Variants in POU6F2 observed in about 807,000 individuals in gnomAD.
POU6F2 encodes the protein POU class 6 homeobox 2.
POU6F2 carries 31 observed loss-of-function variants against 71.3 expected under a neutral mutation model. That is an observed-to-expected ratio of 0.43 (90% CI 0.33 to 0.59). The LOEUF is 0.59. Ranked by LOEUF, POU6F2 falls within the 20% of genes least tolerant of loss-of-function variation. POU6F2 has a pLI of 0.04. For missense variants in POU6F2, 783 were observed against 856.8 expected (o/e 0.91, Z 1.07); for synonymous variants, 347 against 355.7 (o/e 0.98, Z 0.27).
intron 1 of POU6F2, among the ~76,000 whole-genome samples, chr7:39,008,533 C>T (rs1401286852): frequency 2.0e-5 from 3 of 150,458 alleles, no homozygotes; most frequent in South Asian, 2.1e-4. Flanking sequence ...TTAATTAGAT[C>T]CCATTTGTCA....
intron 4 of POU6F2, among the ~76,000 whole-genome samples, chr7:39,234,007 G>A (rs1794626243): frequency 6.6e-6 from 1 of 152,010 alleles, no homozygotes; most frequent in Admixed American, 6.6e-5. Flanking sequence ...CTTCTATCCT[G>A]CTTGTTTTAA....
chr7:39,318,263 G>A (rs1478041876), intron 4 of POU6F2, among the ~76,000 whole-genome samples: 1 of 152,050 alleles, frequency 6.6e-6, no homozygotes, highest in African/African-American at 2.4e-5. Context: ...ACTACTCACG[G>A]TTGGACCAAG....
At chr7:39,048,141 G>A (rs1790328560) in intron 1 of POU6F2, among the ~76,000 whole-genome samples, 1 of 151,866 alleles carries the variant, frequency 6.6e-6, no homozygotes, top group African/African-American at 2.4e-5. Flanking sequence ...TTTCTTTGTG[G>A]TAAGAGTTTT....
At chr7:39,286,939 CTTT>C (rs57938154) in intron 4 of POU6F2, among the ~76,000 whole-genome samples, 56,470 of 146,506 alleles carry the variant, frequency 0.39, 11,195 homozygotes, top group East Asian at 0.56. Flanking sequence ...TTTGAGGTAT[CTTT>C]TTTTTTTTTT....
intron 2 of POU6F2, among the ~76,000 whole-genome samples, chr7:39,128,536 A>G (rs1792191003): frequency 6.6e-6 from 1 of 152,216 alleles, no homozygotes; most frequent in Non-Finnish European, 1.5e-5. Context: ...TATCTGTGGG[A>G]AATATTCCTG....
chr7:38,988,918 C>T (rs1327996923), intron 1 of POU6F2, among the ~76,000 whole-genome samples: 1 of 152,136 alleles, frequency 6.6e-6, no homozygotes, highest in African/African-American at 2.4e-5. Flanking sequence ...AGCAACATCT[C>T]ATTTACTCCC....
At chr7:39,450,070 CTG>C (rs1184077078) in intron 7 of POU6F2, among the ~76,000 whole-genome samples, 1 of 152,180 alleles carries the variant, frequency 6.6e-6, no homozygotes, top group Non-Finnish European at 1.5e-5. Flanking sequence ...TCATCAAACT[CTG>C]TGTTTAAAAT....
In POU6F2 at chr7:39,413,528, A is replaced by G. The variant is rs922860323; in HGVS notation, c.1113+6788A>G. 3.9e-5 allele frequency among the ~76,000 whole-genome samples: 6 copies of G among 152,220 alleles called. No homozygotes were observed. In the East Asian group the frequency reaches 9.7e-4, roughly 25 times the overall value. On this transcript the variant is annotated intron_variant, in intron 6 of 9. Coordinates refer to ENST00000518318, the MANE Select transcript of POU6F2 (RefSeq NM_001370959.1). The stretch of plus-strand genomic sequence containing the variant: ...CTATTCATATCACCTTGCTTAACTA[A>G]TGGTTTTGGCCATCTTTCTTTTATA...
chr7:39,248,986 G>A (rs1164765838), intron 4 of POU6F2, among the ~76,000 whole-genome samples: 2 of 152,134 alleles, frequency 1.3e-5, no homozygotes, highest in Non-Finnish European at 2.9e-5. Flanking sequence ...CAGTTTAACT[G>A]CCAGATCCCT....
At chr7:39,292,215 G>A (rs1235664018) in intron 4 of POU6F2, among the ~76,000 whole-genome samples, 2 of 152,204 alleles carry the variant, frequency 1.3e-5, no homozygotes, top group Non-Finnish European at 2.9e-5. Context: ...AAACCTATAA[G>A]AGTGGGGGTG....
At chr7:39,406,550 G>A in intron 5 of POU6F2, 50 bp from the exon 6 acceptor site, 1 of 1,595,352 alleles carries the variant, frequency 6.3e-7, no homozygotes, top group South Asian at 1.1e-5. Flanking sequence ...TCCGTGTGCT[G>A]TGCCTGTGCC....
At chr7:39,446,994 G>A (rs1203951485) in intron 7 of POU6F2, among the ~76,000 whole-genome samples, 1 of 152,170 alleles carries the variant, frequency 6.6e-6, no homozygotes, top group Non-Finnish European at 1.5e-5. Context: ...ATACAATACT[G>A]AGAAGAGTAA....
chr7:39,218,280 T>C (rs1794280679), intron 4 of POU6F2, among the ~76,000 whole-genome samples: 1 of 152,196 alleles, frequency 6.6e-6, no homozygotes, highest in African/African-American at 2.4e-5. Context: ...CAGGTTTACT[T>C]GCTCACTTCT....
intron 1 of POU6F2, among the ~76,000 whole-genome samples, chr7:39,017,101 G>A (rs1288352859): frequency 6.6e-6 from 1 of 152,106 alleles, no homozygotes. Context: ...ATGTAACTAT[G>A]AGTTCCTTGG....
intron 6 of POU6F2, among the ~76,000 whole-genome samples, chr7:39,417,719 A>G (rs1270208706): frequency 6.6e-6 from 1 of 152,216 alleles, no homozygotes; most frequent in African/African-American, 2.4e-5. Context: ...AGTAACAGAG[A>G]TGGACAGTGC....
intron 4 of POU6F2, among the ~76,000 whole-genome samples, chr7:39,208,119 G>A (rs1794060532): frequency 6.6e-6 from 1 of 152,146 alleles, no homozygotes; most frequent in Admixed American, 6.5e-5. Flanking sequence ...AACAAAAATT[G>A]TGTTATTTGA....
chr7:39,101,135 G>T (rs367717617), intron 2 of POU6F2, among the ~76,000 whole-genome samples: 1 of 148,484 alleles, frequency 6.7e-6, no homozygotes, highest in Non-Finnish European at 1.5e-5. Context: ...GTGCAATGGC[G>T]CAACCTTGGT....
chr7:39,112,241 C>T (rs149293590), intron 2 of POU6F2, among the ~76,000 whole-genome samples: 44 of 152,160 alleles, frequency 2.9e-4, no homozygotes, highest in African/African-American at 1.1e-3. Flanking sequence ...TGAAATTAGT[C>T]TTTTAAATAT....
chr7:39,262,810 T>C (rs921759749), intron 4 of POU6F2, among the ~76,000 whole-genome samples: 4 of 152,202 alleles, frequency 2.6e-5, no homozygotes, highest in African/African-American at 7.2e-5. Context: ...TAAAATGCAT[T>C]GGAACCTATA....
Sources: gnomAD v4.1 joint callset for allele counts (sites outside exome capture counted in the v4.1 genomes callset) on GRCh38, gnomAD v4.1.1 for gene constraint, MANE v1.5 for transcripts, NCBI Gene and HGNC (gene_info 2026-07-23, HGNC 2026-07-21) for gene names.